The following TBX18 variants were observed in gnomAD, a reference collection of about 807,000 sequenced individuals.
TBX18 encodes T-box transcription factor TBX18.
Under a neutral mutation model 55.0 loss-of-function variants are expected in TBX18, and 21 were observed. The ratio of observed to expected loss-of-function variants is 0.38; its 90% confidence interval spans 0.27 to 0.55. The LOEUF (loss-of-function observed/expected upper bound fraction) is 0.55, where lower values mean the gene tolerates loss of function less well. Among genes scored for constraint, TBX18 ranks in the 20% least tolerant of loss-of-function variants. The probability of loss-of-function intolerance (pLI) is 0.73; values close to 1 mark genes in which losing one functional copy is unlikely to be tolerated. For missense variants in TBX18, 840 were observed against 799.6 expected (o/e 1.05, Z -0.61); for synonymous variants, 342 against 326.1 (o/e 1.05, Z -0.53).
At chr6:84,748,783 A>C (rs1767265399) in intron 4 of TBX18, among the ~76,000 whole-genome samples, 1 of 152,184 alleles carries the variant, frequency 6.6e-6, no homozygotes, top group Admixed American at 6.6e-5. Context: ...AATTTATCCT[A>C]AGGAAATATT....
At chr6:84,744,568 TAA>T (rs999598492) in intron 5 of TBX18, among the ~76,000 whole-genome samples, 17 of 152,158 alleles carry the variant, frequency 1.1e-4, no homozygotes, top group South Asian at 4.1e-4. Context: ...TTAATAGATA[TAA>T]GTTAGTTTTG....
chr6:84,760,180 C>A, intron 3 of TBX18, 75 bp downstream of exon 3: 1 of 880,504 alleles, frequency 1.1e-6, no homozygotes, highest in Non-Finnish European at 1.6e-6. Flanking sequence ...TCACAGTCCT[C>A]ACAGATCAAA....
intron 2 of TBX18, among the ~76,000 whole-genome samples, chr6:84,761,965 A>G (rs565059974): frequency 6.6e-6 from 1 of 152,332 alleles, no homozygotes; most frequent in East Asian, 1.9e-4. Context: ...TCTTGCACCT[A>G]TACATGATTA....
chr6:84,743,638 AC>A (rs1767104773), intron 6 of TBX18, among the ~76,000 whole-genome samples: 1 of 152,102 alleles, frequency 6.6e-6, no homozygotes, highest in South Asian at 2.1e-4. Flanking sequence ...AAATTCAAAA[AC>A]CCTTTGCCAC....
chr6:84,752,802 G>A (rs1767385011), intron 4 of TBX18, among the ~76,000 whole-genome samples: 1 of 152,134 alleles, frequency 6.6e-6, no homozygotes, highest in African/African-American at 2.4e-5. Context: ...GCAGCTGGGA[G>A]TACAGGTCTT....
At chr6:84,748,118 C>A (rs1424845810) in intron 4 of TBX18, 31 bp from the exon 5 acceptor site, 29 of 1,564,064 alleles carry the variant, frequency 1.9e-5, no homozygotes, top group Non-Finnish European at 2.4e-5. Context: ...CTGAATTTAT[C>A]AGAAGCCTCT....
At position 84,762,590 on chromosome 6, in the gene TBX18, G is replaced by T. The variant is rs917227168; in HGVS notation, c.451C>A (p.Arg151Ser). Residue 151 changes from arginine (R) to serine (S), a missense_variant, in exon 2 of 8, where the codon CGC becomes AGC. By Grantham distance (110) the Arg-to-Ser change is moderately radical. Transcript: ENST00000369663. Reference protein sequence around the residue: ...VDLQGAELWKRFHEIGTEMII... With the variant: ...VDLQGAELWKSFHEIGTEMII... ...ATCTCAGTGCCTATCTCATGAAAGCGCTTCCAGAGCTCGGCTCCCTGCAGA... is the reference window on the plus strand; with the variant it reads ...ATCTCAGTGCCTATCTCATGAAAGCTCTTCCAGAGCTCGGCTCCCTGCAGA... 1.2e-6 allele frequency: 2 copies of T among 1,613,916 alleles called. No homozygotes were observed. The highest frequency in any genetic ancestry group is 1.7e-5 in the Admixed American group (1 of 60,018).
chr6:84,747,778 T>C (rs1767235538), intron 5 of TBX18, 142 bp downstream of exon 5: 1 of 661,042 alleles, frequency 1.5e-6, no homozygotes, highest in Admixed American at 3.7e-5. Context: ...GATAAAGAAC[T>C]GTTATTCATA....
rs1480004009 is a variant in TBX18 at position 84,735,555 on chromosome 6, C to T, written c.*1130G>A. On this transcript the variant is annotated 3_prime_UTR_variant, in exon 8 of 8. Transcript: ENST00000369663. ...ACCGTGTTATTTAACACCATACAGG[C>T]CTAGGAACTATCTGTTTTGGGAAAG... 1.3e-5 allele frequency: 2 copies of T among 151,998 alleles called. No homozygotes were observed. The highest frequency in any genetic ancestry group is 2.9e-5 in the Non-Finnish European group (2 of 68,014). The allele number at this position is 151,998 out of a possible 1,614,324, so 9.4% of individuals were successfully genotyped here. A position where few individuals can be genotyped will look rare whatever the true frequency, so the allele number is the denominator to read the frequency against.
At position 84,734,191 on chromosome 6, in the gene TBX18, A is replaced by T. The variant is rs1472795237; in HGVS notation, c.*2494T>A. On this transcript the variant is annotated 3_prime_UTR_variant, in exon 8 of 8. Coordinates refer to ENST00000369663, the MANE Select transcript of TBX18 (RefSeq NM_001080508.3). ...TTCTCCCCTGGACCCAAAACAAAAC[A>T]TACCACCCCATCCCTTTCCTCTCAC... 1.3e-5 allele frequency: 2 copies of T among 152,138 alleles called. No homozygotes were observed. Among genetic ancestry groups the T allele is most frequent in the African/African-American group, 4.8e-5 (2 of 41,412 alleles). The allele number at this position is 152,138 out of a possible 1,614,324, so 9.4% of individuals were successfully genotyped here. A position where few individuals can be genotyped will look rare whatever the true frequency, so the allele number is the denominator to read the frequency against.
chr6:84,736,923 A>C lies in TBX18; in HGVS notation c.1586T>G (p.Leu529Arg). Reference protein sequence around the residue: ...NTFRLHSPCALYGYNFSTSPK... With the variant: ...NTFRLHSPCARYGYNFSTSPK... ...GGATGTGGAGAAGTTATATCCATATAGTGCACAGGGGCTGTGTAATCTAAA... is the reference window on the plus strand; with the variant it reads ...GGATGTGGAGAAGTTATATCCATATCGTGCACAGGGGCTGTGTAATCTAAA... Residue 529 changes from leucine (L) to arginine (R), a missense_variant, in exon 8 of 8, where the codon CTA becomes CGA. Transcript: ENST00000369663. The C allele has an allele frequency of 6.2e-7, 1 of 1,612,332 alleles. No homozygotes were observed. The highest frequency in any genetic ancestry group is 8.5e-7 in the Non-Finnish European group (1 of 1,179,110).
At chr6:84,747,878 G>C in intron 5 of TBX18, 42 bp downstream of exon 5, 2 of 1,571,404 alleles carry the variant, frequency 1.3e-6, no homozygotes, top group Non-Finnish European at 8.7e-7. Flanking sequence ...CTCTTCACCT[G>C]AAATGAAAAA....
intron 4 of TBX18, among the ~76,000 whole-genome samples, chr6:84,750,683 T>C (rs912776209): frequency 1.3e-5 from 2 of 152,162 alleles, no homozygotes; most frequent in African/African-American, 4.8e-5. Context: ...GTGCATTCAT[T>C]ATAAATTCGT....
chr6:84,764,189 G>GCCCCC lies in TBX18; in HGVS notation c.-9_-8insGGGGG. 1.1e-6 allele frequency: 1 copy of GCCCCC among 946,526 alleles called. No homozygotes were observed. Among genetic ancestry groups the GCCCCC allele is most frequent in the Non-Finnish European group, 1.4e-6 (1 of 700,356 alleles). 58.6% of individuals were successfully genotyped at this position (946,526 alleles called of 1,614,324 possible). ...CCTTCGCTTCTCGGCCATCCCCCCCGCCCCGCGCCCGCCCGCCCCTCTCTC... is the reference window on the plus strand; with the variant it reads ...CCTTCGCTTCTCGGCCATCCCCCCCGCCCCCCCCCGCGCCCGCCCGCCCCTCTCTC... On this transcript the variant is annotated 5_prime_UTR_variant, in exon 1 of 8. Transcript: ENST00000369663.
At chr6:84,747,811 T>C in intron 5 of TBX18, 109 bp downstream of exon 5, 4 of 1,031,158 alleles carry the variant, frequency 3.9e-6, no homozygotes, top group East Asian at 2.6e-5. Context: ...GAATGTCATA[T>C]ATGGCAAATG....
At chr6:84,738,456 G>T in intron 7 of TBX18, 41 bp downstream of exon 7, 1 of 1,489,464 alleles carries the variant, frequency 6.7e-7, no homozygotes, top group Non-Finnish European at 9.4e-7. Context: ...TTCTAGGCAG[G>T]AACGGGCTGT....
In TBX18 at chr6:84,747,959, T is replaced by C. The variant is rs747840449; in HGVS notation, c.900A>G (p.Glu300=). The change falls in exon 5 of 8, where the codon GAA becomes GAG. Residue 300 remains glutamate (E), a synonymous_variant. Coordinates refer to ENST00000369663, the MANE Select transcript of TBX18 (RefSeq NM_001080508.3). ...GEGVKAFSFP[E]TVFTTVTAYQ... is the part of the protein sequence containing the mutation. ...AGGCAGTGACGGTTGTGAAGACAGTTTCTGGAAAGGAGAATGCCTTTACTC... is the reference window on the plus strand; with the variant it reads ...AGGCAGTGACGGTTGTGAAGACAGTCTCTGGAAAGGAGAATGCCTTTACTC... 3.1e-6 allele frequency: 5 copies of C among 1,613,016 alleles called. No homozygotes were observed. Among genetic ancestry groups the C allele is most frequent in the Non-Finnish European group, 4.2e-6 (5 of 1,179,294 alleles).
intron 6 of TBX18, 98 bp downstream of exon 6, chr6:84,744,163 C>T (rs1253485489): frequency 2.1e-5 from 22 of 1,063,788 alleles, no homozygotes; most frequent in South Asian, 2.0e-4. Flanking sequence ...ATTTCAATAT[C>T]GTATTAGTAA....
chr6:84,756,709 C>A lies in TBX18; in HGVS notation c.760G>T (p.Asp254Tyr). ...KLKLTNNELD[D>Y]QGHIILHSMH... ...GGCCATCTACTCACATGGCCTTGGT[C>A]ATCCAGTTCATTGTTGGTGAGCTTC... Residue 254 changes from aspartate (D) to tyrosine (Y), a missense_variant, in exon 4 of 8, where the codon GAC becomes TAC. Transcript: ENST00000369663. 6.2e-7 allele frequency: 1 copy of A among 1,613,872 alleles called. No individual in the cohort carries two copies. Among genetic ancestry groups the A allele is most frequent in the South Asian group, 1.1e-5 (1 of 91,008 alleles).
Sources: allele counts gnomAD v4.1 joint callset (sites outside exome capture counted in the v4.1 genomes callset), GRCh38; gene constraint gnomAD v4.1.1; transcripts MANE v1.5; gene names NCBI Gene and HGNC (gene_info 2026-07-23, HGNC 2026-07-21).